Variants in DNHD1 observed in about 807,000 individuals in gnomAD.
DNHD1 encodes dynein heavy chain domain-containing protein 1.
A neutral mutation model predicts 458.1 loss-of-function variants in DNHD1; 383 were observed. The ratio of observed to expected loss-of-function variants is 0.84; its 90% CI spans 0.77 to 0.91. The LOEUF (loss-of-function observed/expected upper bound fraction) is 0.91. Ranked by LOEUF, DNHD1 falls within the 40% of genes least tolerant of loss-of-function variation. The pLI is 0.00. For synonymous variants in DNHD1, 2,203 were observed against 2,376.9 expected (o/e 0.93, Z 2.13); for missense variants, 5,336 against 5,866.1 (o/e 0.91, Z 2.95).
chr11:6,563,413 AGCTGCAGGTG>A lies in DNHD1; in HGVS notation c.9706_9715del (p.Gln3236ThrfsTer18), dbSNP rs1158689054. ...AAGGCATTTCTGGAGCCTCTGAGCCAGCTGCAGGTGGCTGACTTTGAGGAGATACGGAGCT... is the reference window on the plus strand; with the variant it reads ...AAGGCATTTCTGGAGCCTCTGAGCCAGCTGACTTTGAGGAGATACGGAGCT... On this transcript the variant is annotated frameshift_variant, in exon 30 of 43. Coordinates refer to ENST00000254579, the MANE Select transcript of DNHD1 (RefSeq NM_144666.3). LOFTEE classifies it high-confidence loss of function. The A allele has an allele frequency of 7.7e-6, 12 of 1,551,624 alleles. No homozygotes were observed. In the African/African-American group the frequency reaches 1.5e-4, roughly 19 times the overall value.
chr11:6,570,690 G>A lies in DNHD1; in HGVS notation c.13178G>A (p.Arg4393Gln). Residue 4393 changes from arginine (R) to glutamine (Q), a missense_variant, in exon 42 of 43, where the codon CGG (arginine) becomes CAG (glutamine). Physicochemically the swap from Arg to Gln is conservative, Grantham distance 43. Coordinates refer to ENST00000254579, the MANE Select transcript of DNHD1 (RefSeq NM_144666.3). ...MHLLPSPPEP[R>Q]LCGLSEGPQA... ...CTACTGCCCTCACCACCTGAACCCCGGCTCTGCGGACTGAGTGAGGGCCCC... is the reference window on the plus strand; with the variant it reads ...CTACTGCCCTCACCACCTGAACCCCAGCTCTGCGGACTGAGTGAGGGCCCC... 6.2e-7 allele frequency: 1 copy of A among 1,611,532 alleles called. No individual in the cohort carries two copies. Among genetic ancestry groups the A allele is most frequent in the Non-Finnish European group, 8.5e-7 (1 of 1,178,894 alleles).
At chr11:6,512,211 C>CTTTTTTTTTTT (rs11287049) in intron 7 of DNHD1, among the ~76,000 whole-genome samples, 71 of 91,620 alleles carry the variant, frequency 7.7e-4, no homozygotes, top group East Asian at 9.8e-4. Flanking sequence ...CTTTTTCTTT[C>CTTTTTTTTTTT]TTTTTTTTTT....
rs753926339 is a variant in DNHD1 at position 6,548,383 on chromosome 11, C to T, written c.7079C>T (p.Thr2360Ile). 4 of 1,551,726 alleles carry T rather than the reference C, an allele frequency of 2.6e-6. No homozygotes were observed. In the South Asian group the frequency reaches 4.8e-5, roughly 18 times the overall value. The change falls in exon 23 of 43, where the codon ACC becomes ATC. Residue 2360 changes from threonine to isoleucine, a missense_variant. Thr to Ile is a moderately conservative substitution (Grantham distance 89, BLOSUM62 -1). This residue lies in a region of DNHD1 where 3,932 missense variants were observed against 4,365.6 expected (regional missense o/e 0.90). Coordinates refer to ENST00000254579, the MANE Select transcript of DNHD1 (RefSeq NM_144666.3). The surrounding 1 kb of genome is among the most constrained non-coding windows in gnomAD (Gnocchi z 4.4). ...AGCCACATCAAAGGAACTTTGGGCA[C>T]CTTTCACCCTTCTATCCAGGTGTGA... ...LSSHIKGTLGTFHPSIQTERL... is the reference protein window; with the variant it reads ...LSSHIKGTLGIFHPSIQTERL...
At chr11:6,503,020 T>G in intron 4 of DNHD1, 94 bp downstream of exon 4, 6 of 1,373,396 alleles carry the variant, frequency 4.4e-6, no homozygotes, top group African/African-American at 1.5e-5. Context: ...CGCACCCTTC[T>G]CCCTGTCCTT....
In DNHD1 at chr11:6,544,109, T is replaced by C; in HGVS notation, c.3629-12T>C. ...CCTCATCTGACTGCCAGTTCAGCTT[T>C]TTCTGTCTTAGATTACAGCAACCTG... On this transcript the variant is annotated splice_polypyrimidine_tract_variant and intron_variant, in intron 18 of 42. Transcript: ENST00000254579. 2.6e-6 allele frequency: 4 copies of C among 1,551,506 alleles called. No individual in the cohort carries two copies. The highest frequency in any genetic ancestry group is 2.6e-6 in the Non-Finnish European group (3 of 1,146,898).
Position 6,538,812 on chromosome 11 carries a change from T to C in DNHD1, c.3325+2T>C, listed in dbSNP as rs772903943. ...TCAACTGCCAGTGTCTCCTGCGTGGTATGTTTGGTTAATGTCAGAGGAGGG... is the reference window on the plus strand; with the variant it reads ...TCAACTGCCAGTGTCTCCTGCGTGGCATGTTTGGTTAATGTCAGAGGAGGG... On this transcript the variant is annotated splice_donor_variant, in intron 16 of 42. Transcript: ENST00000254579. LOFTEE classifies it high-confidence loss of function. 5 of 1,495,306 alleles carry C rather than the reference T, an allele frequency of 3.3e-6. No individual in the cohort carries two copies. The allele number at this position is 1,495,306 out of a possible 1,614,324, so 92.6% of individuals were successfully genotyped here. A position where few individuals can be genotyped will look rare whatever the true frequency, so the allele number is the denominator to read the frequency against.
rs1010436383 is a variant in DNHD1 at position 6,538,486 on chromosome 11, G to A, written c.3102G>A (p.Glu1034=). Residue 1034 remains glutamate (E), a synonymous_variant, in exon 15 of 43, where the codon GAG becomes GAA. Transcript: ENST00000254579. The part of the protein sequence containing the change: ...LYRVISENIS[E]WKCMAFAKFS... ...GAGTCATCTCCGAAAACATCAGCGA[G>A]TGGAAGTGCATGGCTTTTGCCAAGG... The A allele has an allele frequency of 1.3e-6, 2 of 1,551,676 alleles. No individual in the cohort carries two copies. The highest frequency in any genetic ancestry group is 2.7e-5 in the African/African-American group (2 of 73,072).
At chr11:6,570,533 T>C in intron 41 of DNHD1, 85 bp from the exon 42 acceptor site, 1 of 1,484,068 alleles carries the variant, frequency 6.7e-7, no homozygotes, top group Non-Finnish European at 9.0e-7. Flanking sequence ...GTGATGGCAG[T>C]AAAGGCTCAG....
At position 6,557,764 on chromosome 11, in the gene DNHD1, G is replaced by T; in HGVS notation, c.8469G>T (p.Gln2823His). 8.4e-6 allele frequency: 13 copies of T among 1,551,694 alleles called. No homozygotes were observed. Among genetic ancestry groups the T allele is most frequent in the Non-Finnish European group, 1.1e-5 (13 of 1,146,992 alleles). Residue 2823 changes from glutamine to histidine, a missense_variant, in exon 25 of 43, where the codon CAG becomes CAT. Gln to His is a conservative substitution (Grantham distance 24, BLOSUM62 0). Around this residue, in one of 4 missense-constraint regions of DNHD1, gnomAD observed 3,932 missense variants for 4,365.6 expected, o/e 0.90. Coordinates refer to ENST00000254579, the MANE Select transcript of DNHD1 (RefSeq NM_144666.3). ...AGCCCTCAGACCTGGTCTTCAGTCA[G>T]GAGCTGATACTGGGGCCTAACTCTG... Reference protein sequence around the residue: ...QEKPSDLVFSQELILGPNSET... With the variant: ...QEKPSDLVFSHELILGPNSET...
Position 6,547,143 on chromosome 11 carries a change from G to A in DNHD1, c.6204G>A (p.Met2068Ile). The A allele has an allele frequency of 6.4e-7, 1 of 1,551,726 alleles. No homozygotes were observed. Among genetic ancestry groups the A allele is most frequent in the South Asian group, 1.2e-5 (1 of 84,046 alleles). Residue 2068 changes from methionine (M) to isoleucine (I), a missense_variant, in exon 21 of 43, where the codon ATG becomes ATA. Met to Ile is a conservative substitution (Grantham distance 10). Transcript: ENST00000254579. ...GTGCAGCCGGTCAGTGTAACAACAT[G>A]GGCCAAAAGAGGCAGACAGAGGAAT... ...VLRAAGQCNN[M>I]GQKRQTEESI... is the part of the protein sequence containing the mutation.
intron 7 of DNHD1, among the ~76,000 whole-genome samples, chr11:6,515,987 C>T (rs139836039): frequency 6.2e-4 from 94 of 151,924 alleles, no homozygotes; most frequent in African/African-American, 2.2e-3. Context: ...AGGGTTTTAC[C>T]ATGTTGTCCA....
chr11:6,547,293 AC>A lies in DNHD1; in HGVS notation c.6359del (p.Pro2120GlnfsTer6). The A allele has an allele frequency of 1.3e-6, 2 of 1,551,404 alleles. No homozygotes were observed. The highest frequency in any genetic ancestry group is 1.7e-6 in the Non-Finnish European group (2 of 1,146,916). On this transcript the variant is annotated frameshift_variant, in exon 21 of 43. Coordinates refer to ENST00000254579, the MANE Select transcript of DNHD1 (RefSeq NM_144666.3). LOFTEE classifies it high-confidence loss of function. ...SLPSGQQIAR[P>X]PGTFLLMEVA... ...TCCCCAGTGGACAGCAGATAGCACG[AC>A]CCCCAGGCACCTTTCTCTTGATGGA... is the stretch of plus-strand genomic sequence containing the variant.
intron 24 of DNHD1, among the ~76,000 whole-genome samples, chr11:6,549,852 GA>G (rs1471743874): frequency 6.6e-6 from 1 of 152,232 alleles, no homozygotes; most frequent in African/African-American, 2.4e-5. Context: ...AAGGAAAGGA[GA>G]AAAATCTTGA....
chr11:6,570,385 T>C lies in DNHD1; in HGVS notation c.13094T>C (p.Met4365Thr). 6.2e-7 allele frequency: 1 copy of C among 1,609,288 alleles called. No individual in the cohort carries two copies. Among genetic ancestry groups the C allele is most frequent in the Non-Finnish European group, 8.5e-7 (1 of 1,177,942 alleles). ...CCTCAGTCTTTGCTGGCCACGCTCA[T>C]GCCCCTCCCAGGTAAGCCTCACTCA... is the stretch of plus-strand genomic sequence containing the variant. ...HTPQSLLATL[M>T]PLPELRELDA... Residue 4365 changes from methionine to threonine, a missense_variant, in exon 41 of 43, where the codon ATG becomes ACG. By Grantham distance (81) the Met-to-Thr change is moderately conservative (BLOSUM62 -1). Coordinates refer to ENST00000254579, the MANE Select transcript of DNHD1 (RefSeq NM_144666.3).
intron 10 of DNHD1, among the ~76,000 whole-genome samples, chr11:6,527,377 A>G (rs943610885): frequency 6.6e-6 from 1 of 152,210 alleles, no homozygotes; most frequent in African/African-American, 2.4e-5. Context: ...GATTCTGGAT[A>G]TATTTTTAAA....
intron 14 of DNHD1, among the ~76,000 whole-genome samples, chr11:6,535,386 C>T (rs957720185): frequency 6.6e-6 from 1 of 151,816 alleles, no homozygotes; most frequent in Non-Finnish European, 1.5e-5. Flanking sequence ...ACATTGTGCT[C>T]AGGTCTTAGT....
chr11:6,526,443 G>A (rs747648347), intron 10 of DNHD1, among the ~76,000 whole-genome samples: 2 of 151,766 alleles, frequency 1.3e-5, no homozygotes, highest in South Asian at 2.1e-4. Flanking sequence ...TCTATGCCTC[G>A]CTTTGTTTTT....
chr11:6,545,837 T>A lies in DNHD1; in HGVS notation c.4898T>A (p.Leu1633Gln), dbSNP rs1314101677. 2 of 1,551,786 alleles carry A rather than the reference T, an allele frequency of 1.3e-6. No individual in the cohort carries two copies. The highest frequency in any genetic ancestry group is 1.7e-6 in the Non-Finnish European group (2 of 1,147,026). The part of the protein sequence containing the change: ...LKTIASSEPS[L>Q]SPAACWIDVL... ...ACTATTGCATCTTCTGAACCCTCTCTGTCACCAGCGGCATGCTGGATAGAT... is the reference window on the plus strand; with the variant it reads ...ACTATTGCATCTTCTGAACCCTCTCAGTCACCAGCGGCATGCTGGATAGAT... Residue 1633 changes from leucine to glutamine, a missense_variant, in exon 21 of 43, where the codon CTG (leucine) becomes CAG (glutamine). By Grantham distance (113) the Leu-to-Gln change is moderately radical. Around this residue, in one of 4 missense-constraint regions of DNHD1, gnomAD observed 3,932 missense variants for 4,365.6 expected, o/e 0.90. Coordinates refer to ENST00000254579, the MANE Select transcript of DNHD1 (RefSeq NM_144666.3). This position sits in a 1 kb window ranked among gnomAD's most constrained non-coding sequence, Gnocchi z 4.9.
At position 6,567,158 on chromosome 11, in the gene DNHD1, A is replaced by G; in HGVS notation, c.11649A>G (p.Ala3883=). 1.9e-6 allele frequency: 3 copies of G among 1,614,066 alleles called. No individual in the cohort carries two copies. The highest frequency in any genetic ancestry group is 2.2e-5 in the South Asian group (2 of 91,090). Residue 3883 remains alanine (A), a synonymous_variant, in exon 36 of 43, where the codon GCA becomes GCG. Coordinates refer to ENST00000254579, the MANE Select transcript of DNHD1 (RefSeq NM_144666.3). ...LFCMSPENWL[A]VTKQALDSMK... ...GTATGAGCCCAGAGAACTGGCTGGC[A>G]GTCACTAAGCAGGCTCTGGACAGCA...
Sources: allele counts gnomAD v4.1 joint callset (sites outside exome capture counted in the v4.1 genomes callset), GRCh38; gene constraint gnomAD v4.1.1; regional missense constraint gnomAD v4.1.1; non-coding constraint Gnocchi (gnomAD v3.1); transcripts MANE v1.5; gene names NCBI Gene and HGNC (gene_info 2026-07-23, HGNC 2026-07-21).